Variants in AGBL4 observed in about 807,000 individuals in gnomAD.
The protein encoded by AGBL4 is AGBL carboxypeptidase 4, also known as cytosolic carboxypeptidase 6.
Under a neutral mutation model 66.4 loss-of-function variants are expected in AGBL4, and 58 were observed. That is an observed-to-expected ratio of 0.87 (90% CI 0.71 to 1.09). The LOEUF (loss-of-function observed/expected upper bound fraction) is 1.09. Among genes scored for constraint, AGBL4 ranks in the 50% least tolerant of loss-of-function variants. AGBL4 has a pLI of 0.00. For missense variants in AGBL4, 579 were observed against 631.0 expected (o/e 0.92, Z 0.88); for synonymous variants, 234 against 222.9 (o/e 1.05, Z -0.44).
At chr1:49,974,158 T>C (rs1658369223) in intron 1 of AGBL4, among the ~76,000 whole-genome samples, 1 of 152,084 alleles carries the variant, frequency 6.6e-6, no homozygotes. Flanking sequence ...GAAAGTTTCA[T>C]TGCTTTCAAC....
At chr1:49,973,612 TTATC>T (rs1658317170) in intron 1 of AGBL4, among the ~76,000 whole-genome samples, 1 of 148,470 alleles carries the variant, frequency 6.7e-6, no homozygotes. Context: ...TATATATGGA[TTATC>T]TATTATACAT....
intron 3 of AGBL4, among the ~76,000 whole-genome samples, chr1:49,486,534 C>A (rs540717736): frequency 6.6e-6 from 1 of 152,064 alleles, no homozygotes; most frequent in East Asian, 1.9e-4. Flanking sequence ...TAGCTCTCCT[C>A]ATCCAGTTTT....
chr1:48,893,435 A>G (rs1284051134), intron 5 of AGBL4, among the ~76,000 whole-genome samples: 2 of 151,930 alleles, frequency 1.3e-5, no homozygotes, highest in Non-Finnish European at 2.9e-5. Context: ...TAATCCCAGC[A>G]CTTTGGGAGG....
chr1:49,555,028 G>T (rs1203496771), intron 3 of AGBL4, among the ~76,000 whole-genome samples: 2 of 152,162 alleles, frequency 1.3e-5, no homozygotes, highest in Non-Finnish European at 2.9e-5. Flanking sequence ...AAAGAACAAA[G>T]CTTCCACAGG....
At chr1:49,790,683 G>A (rs1332559390) in intron 2 of AGBL4, among the ~76,000 whole-genome samples, 1 of 152,082 alleles carries the variant, frequency 6.6e-6, no homozygotes, top group Non-Finnish European at 1.5e-5. Flanking sequence ...AAACAAGAGT[G>A]AAATGAAGAC....
intron 6 of AGBL4, among the ~76,000 whole-genome samples, chr1:48,792,516 T>C (rs1354509302): frequency 6.6e-6 from 1 of 152,234 alleles, no homozygotes; most frequent in South Asian, 2.1e-4. Context: ...TATTAAATTA[T>C]GTAATCTTGG....
At chr1:49,680,871 G>C (rs1427417517) in intron 3 of AGBL4, among the ~76,000 whole-genome samples, 3 of 150,686 alleles carry the variant, frequency 2.0e-5, no homozygotes, top group Non-Finnish European at 4.4e-5. Context: ...TGAATTCCCT[G>C]ATGTTCCTGA....
At chr1:48,547,775 T>C (rs1385402773) in intron 11 of AGBL4, among the ~76,000 whole-genome samples, 1 of 152,152 alleles carries the variant, frequency 6.6e-6, no homozygotes, top group African/African-American at 2.4e-5. Context: ...GGATCCTCTG[T>C]TCTCCTGTCT....
chr1:48,618,369 T>C (rs1466984579), intron 9 of AGBL4, among the ~76,000 whole-genome samples: 2 of 152,230 alleles, frequency 1.3e-5, no homozygotes, highest in African/African-American at 4.8e-5. Context: ...CCCCGGGGCC[T>C]GGAGTGCATG....
At chr1:49,651,659 A>G (rs1326066100) in intron 3 of AGBL4, among the ~76,000 whole-genome samples, 1 of 152,096 alleles carries the variant, frequency 6.6e-6, no homozygotes, top group Non-Finnish European at 1.5e-5. Flanking sequence ...CCAAAGAAAC[A>G]TACACAAGAT....
chr1:48,728,168 A>G (rs1647478688), intron 6 of AGBL4: 4 of 827,526 alleles, frequency 4.8e-6, no homozygotes, highest in Admixed American at 3.0e-5. Flanking sequence ...TATCTGGCAT[A>G]GCTATATTTT....
At chr1:48,723,524 T>C (rs1360706487) in intron 6 of AGBL4, among the ~76,000 whole-genome samples, 1 of 152,226 alleles carries the variant, frequency 6.6e-6, no homozygotes, top group Non-Finnish European at 1.5e-5. Flanking sequence ...TTTGTCTATT[T>C]GCAGACATAC....
chr1:49,105,142 A>G (rs953041740), intron 4 of AGBL4, among the ~76,000 whole-genome samples: 1 of 152,174 alleles, frequency 6.6e-6, no homozygotes, highest in Non-Finnish European at 1.5e-5. Context: ...CTCTCTACTA[A>G]GCACTGAATG....
At chr1:48,674,543 T>TGGGGGGGGGGGGGGGGG (rs1570214647) in intron 6 of AGBL4, among the ~76,000 whole-genome samples, 1 of 49,038 alleles carries the variant, frequency 2.0e-5, no homozygotes. Flanking sequence ...AGGGGGGGGA[T>TGGGGGGGGGGGGGGGGG]GGGTGGGTGA....
At chr1:48,684,074 C>T (rs1646494666) in intron 6 of AGBL4, among the ~76,000 whole-genome samples, 1 of 152,172 alleles carries the variant, frequency 6.6e-6, no homozygotes, top group Non-Finnish European at 1.5e-5. Flanking sequence ...TCCCAGAGAC[C>T]CAGGCTTCAC....
intron 4 of AGBL4, among the ~76,000 whole-genome samples, chr1:49,125,805 C>A (rs1183201223): frequency 1.3e-5 from 2 of 152,068 alleles, no homozygotes; most frequent in African/African-American, 4.8e-5. Flanking sequence ...GAGTTTGAGC[C>A]CAAATCTTTC....
At chr1:49,320,589 G>T (rs979781769) in intron 3 of AGBL4, among the ~76,000 whole-genome samples, 1 of 152,150 alleles carries the variant, frequency 6.6e-6, no homozygotes, top group Non-Finnish European at 1.5e-5. Flanking sequence ...GAGGAGCTTA[G>T]ACTTCCATAG....
In AGBL4 at chr1:48,752,790, G is replaced by A. The variant is rs572943450; in HGVS notation, c.635-89549C>T. Among the ~76,000 whole-genome samples, 567 of 151,462 alleles carry A rather than the reference G, an allele frequency of 3.7e-3. 2 individuals carry two copies. The highest frequency in any genetic ancestry group is 0.011 in the African/African-American group (472 of 41,220). On this transcript the variant is annotated intron_variant, in intron 6 of 13. Transcript: ENST00000371839. ...TTTTTGGACAGAGTCTCGCTCTGTC[G>A]CCAGGCTGGAGTGCAGTGGCATGAT... is the stretch of plus-strand genomic sequence containing the variant.
intron 3 of AGBL4, among the ~76,000 whole-genome samples, chr1:49,247,591 T>A (rs548750949): frequency 6.6e-6 from 1 of 152,252 alleles, no homozygotes; most frequent in Admixed American, 6.5e-5. Flanking sequence ...CCCCCTTTTT[T>A]TTCTGAGATT....
Sources: allele counts gnomAD v4.1 joint callset (sites outside exome capture counted in the v4.1 genomes callset), GRCh38; gene constraint gnomAD v4.1.1; transcripts MANE v1.5; gene names NCBI Gene and HGNC (gene_info 2026-07-23, HGNC 2026-07-21).